TASOR: variants seen among roughly 807,000 people sequenced by gnomAD.
TASOR encodes the protein transcription activation suppressor.
Under a neutral mutation model 178.6 loss-of-function variants are expected in TASOR, and 53 were observed. The ratio of observed to expected loss-of-function variants is 0.30; its 90% CI spans 0.24 to 0.37. TASOR has a LOEUF of 0.37. Ranked by LOEUF, TASOR falls within the 10% of genes least tolerant of loss-of-function variation. The pLI is 1.00. For missense variants in TASOR, 1,815 were observed against 1,971.4 expected, an observed-to-expected ratio of 0.92 and a Z score of 1.50; for synonymous variants, 713 against 696.2, an observed-to-expected ratio of 1.02 and a Z score of -0.38.
chr3:56,682,343 A>G (rs970855363), intron 1 of TASOR, among the ~76,000 whole-genome samples: 6 of 142,854 alleles, frequency 4.2e-5, no homozygotes, highest in Non-Finnish European at 9.3e-5. Flanking sequence ...AAGCATCCTT[A>G]GGAGGACACA....
intron 4 of TASOR, 30 bp downstream of exon 4, chr3:56,670,043 A>G (rs2030510539): frequency 7.3e-7 from 1 of 1,368,600 alleles, no homozygotes; most frequent in African/African-American, 1.5e-5. Context: ...TTAGTAGTAG[A>G]TATTTATATT....
intron 17 of TASOR, 77 bp from the exon 18 acceptor site, chr3:56,634,043 GA>G: frequency 2.1e-5 from 25 of 1,175,262 alleles, no homozygotes; most frequent in South Asian, 3.3e-5. Context: ...TAAATTGGGG[GA>G]AAAAAGGGTT....
chr3:56,627,640 T>C lies in TASOR; in HGVS notation c.3972A>G (p.Val1324=), dbSNP rs1324582587. ...VKNHTYNELF[V]SGGFIVSDES... ...CATCAGATACGATAAAACCTCCAGA[T>C]ACAAATAATTCATTGTATGTATGAT... The change falls in exon 20 of 24, where the codon GTA becomes GTG. Residue 1324 remains valine (V), a synonymous_variant. Coordinates refer to ENST00000683822, the MANE Select transcript of TASOR (RefSeq NM_001365635.2). 6.2e-7 allele frequency: 1 copy of C among 1,613,982 alleles called. No individual in the cohort carries two copies. The highest frequency in any genetic ancestry group is 1.7e-5 in the Admixed American group (1 of 59,992).
At chr3:56,649,152 A>C (rs1578236506) in intron 11 of TASOR, 95 bp from the exon 12 acceptor site, 2 of 857,818 alleles carry the variant, frequency 2.3e-6, no homozygotes, top group East Asian at 5.6e-5. Flanking sequence ...TAAAGAAAAA[A>C]AGTTCTTAAT....
In TASOR at chr3:56,638,687, G is replaced by C; in HGVS notation, c.2824+19C>G. ...GAAGAAGGGCACACTGGGAAGAAAA[G>C]CAAAGCAAGCCTTCTCACCTGGTGT... On this transcript the variant is annotated intron_variant, in intron 17 of 23. Transcript: ENST00000683822. 1 of 1,613,910 alleles carries C rather than the reference G, an allele frequency of 6.2e-7. No individual in the cohort carries two copies. Among genetic ancestry groups the C allele is most frequent in the Non-Finnish European group, 8.5e-7 (1 of 1,179,812 alleles).
chr3:56,662,864 A>G (rs1416734087), intron 8 of TASOR, among the ~76,000 whole-genome samples: 1 of 152,142 alleles, frequency 6.6e-6, no homozygotes, highest in Non-Finnish European at 1.5e-5. Flanking sequence ...TCTTCTACTC[A>G]TTGTGTTTTC....
In TASOR at chr3:56,646,487, T is replaced by C. The variant is rs200869629; in HGVS notation, c.2215+35A>G. On this transcript the variant is annotated intron_variant, in intron 14 of 23. Coordinates refer to ENST00000683822, the MANE Select transcript of TASOR (RefSeq NM_001365635.2). Reference sequence around the variant, plus strand: ...TACAAGAAAGAACAGAACTACTTTATTTTTGGCTGTTATAAGAGCAATCTG... The same window carrying C: ...TACAAGAAAGAACAGAACTACTTTACTTTTGGCTGTTATAAGAGCAATCTG... 2.0e-3 allele frequency: 2,964 copies of C among 1,515,566 alleles called. 5 individuals carry two copies. Among genetic ancestry groups the C allele is most frequent in the Non-Finnish European group, 2.5e-3 (2,821 of 1,126,100 alleles). The allele number at this position is 1,515,566 out of a possible 1,614,324, so 93.9% of individuals were successfully genotyped here.
intron 3 of TASOR, 108 bp from the exon 4 acceptor site, chr3:56,670,253 T>C (rs1226467444): frequency 8.1e-6 from 5 of 617,274 alleles, no homozygotes; most frequent in Middle Eastern, 4.7e-4. Flanking sequence ...CTTAACTATG[T>C]ATCATTCTAG....
Position 56,622,824 on chromosome 3 carries a change from T to G in TASOR, c.*213A>C. 3.0e-6 allele frequency: 1 copy of G among 337,106 alleles called. No individual in the cohort carries two copies. The highest frequency in any genetic ancestry group is 5.3e-6 in the Non-Finnish European group (1 of 190,204). The allele number at this position is 337,106 out of a possible 1,614,324, so 20.9% of individuals were successfully genotyped here. A position where few individuals can be genotyped will look rare whatever the true frequency, so the allele number is the denominator to read the frequency against. On this transcript the variant is annotated 3_prime_UTR_variant, in exon 24 of 24. Transcript: ENST00000683822. ...CAGGTAACATACAAAAAGTAAAACT[T>G]AGAAGTGCCAACATGAGATAATTCA...
intron 11 of TASOR, among the ~76,000 whole-genome samples, chr3:56,658,683 G>T (rs2077523909): frequency 6.6e-6 from 1 of 152,186 alleles, no homozygotes; most frequent in African/African-American, 2.4e-5. Flanking sequence ...GAGGCGGGTG[G>T]ATCACTTGAG....
intron 18 of TASOR, among the ~76,000 whole-genome samples, chr3:56,632,247 C>T (rs1304569837): frequency 3.3e-5 from 5 of 151,970 alleles, no homozygotes; most frequent in Non-Finnish European, 7.4e-5. Context: ...CTGAGGTGGA[C>T]GGATCACGAG....
intron 1 of TASOR, among the ~76,000 whole-genome samples, chr3:56,679,395 G>A (rs1373768269): frequency 1.3e-5 from 2 of 152,180 alleles, no homozygotes; most frequent in African/African-American, 2.4e-5. Context: ...ATAGCTCAAA[G>A]TAAATTTTAC....
Position 56,622,816 on chromosome 3 carries a change from G to C in TASOR, c.*221C>G, listed in dbSNP as rs561516852. The C allele has an allele frequency of 1.6e-5, 5 of 322,192 alleles. No individual in the cohort carries two copies. Among genetic ancestry groups the C allele is most frequent in the African/African-American group, 1.1e-4 (5 of 46,954 alleles). The allele number at this position is 322,192 out of a possible 1,614,324, so 20.0% of individuals were successfully genotyped here. On this transcript the variant is annotated 3_prime_UTR_variant, in exon 24 of 24. Coordinates refer to ENST00000683822, the MANE Select transcript of TASOR (RefSeq NM_001365635.2). ...CCTAAGTACAGGTAACATACAAAAAGTAAAACTTAGAAGTGCCAACATGAG... is the reference window on the plus strand; with the variant it reads ...CCTAAGTACAGGTAACATACAAAAACTAAAACTTAGAAGTGCCAACATGAG...
At chr3:56,679,848 A>C (rs1578312250) in intron 1 of TASOR, among the ~76,000 whole-genome samples, 1 of 152,206 alleles carries the variant, frequency 6.6e-6, no homozygotes, top group South Asian at 2.1e-4. Flanking sequence ...GTTAAATTCT[A>C]TAATTTGGTT....
At chr3:56,649,924 G>C (rs183778673) in intron 11 of TASOR, among the ~76,000 whole-genome samples, 11 of 152,314 alleles carry the variant, frequency 7.2e-5, no homozygotes, top group African/African-American at 2.6e-4. Flanking sequence ...TATAAGACAA[G>C]TCGGGAATGA....
intron 11 of TASOR, among the ~76,000 whole-genome samples, chr3:56,655,545 T>C (rs548236271): frequency 1.3e-5 from 2 of 151,806 alleles, no homozygotes; most frequent in African/African-American, 2.4e-5. Context: ...GGCATGAGGG[T>C]TGCTTAAGGC....
At chr3:56,650,080 T>C (rs1022401051) in intron 11 of TASOR, among the ~76,000 whole-genome samples, 1 of 152,152 alleles carries the variant, frequency 6.6e-6, no homozygotes, top group Admixed American at 6.5e-5. Flanking sequence ...AAAAACAATC[T>C]AATGCAAAGA....
chr3:56,680,251 T>C (rs1339537145), intron 1 of TASOR, among the ~76,000 whole-genome samples: 3 of 152,186 alleles, frequency 2.0e-5, no homozygotes, highest in South Asian at 2.1e-4. Context: ...ATCTGTAAAA[T>C]GGGAATAGTA....
chr3:56,623,094 T>C lies in TASOR; in HGVS notation c.4956A>G (p.Pro1652=). 6.2e-7 allele frequency: 1 copy of C among 1,609,894 alleles called. No individual in the cohort carries two copies. Residue 1652 remains proline, a synonymous_variant, in exon 24 of 24, where the codon CCA becomes CCG. Transcript: ENST00000683822. The part of the protein sequence containing the change: ...YTESLDRDKS[P]PPLSWGKSDS... The stretch of plus-strand genomic sequence containing the variant: ...CACTTTTCCCCCAACTTAAGGGAGG[T>C]GGAGATTTATCTCTATCCAAGCTTT...
Sources: allele counts gnomAD v4.1 joint callset (sites outside exome capture counted in the v4.1 genomes callset), GRCh38; gene constraint gnomAD v4.1.1; transcripts MANE v1.5; gene names NCBI Gene and HGNC (gene_info 2026-07-23, HGNC 2026-07-21).